FMN2: variants seen among roughly 807,000 people sequenced by gnomAD.
FMN2 encodes formin 2, also known as formin-2.
A neutral mutation model predicts 142.3 loss-of-function variants in FMN2; 51 were observed. That is an observed-to-expected ratio of 0.36 (90% CI 0.29 to 0.45). FMN2 has a LOEUF of 0.45. Among genes scored for constraint, FMN2 ranks in the 20% least tolerant of loss-of-function variants. The probability of loss-of-function intolerance (pLI) is 1.00; values close to 1 mark genes in which losing one functional copy is unlikely to be tolerated. For missense variants in FMN2, 1,936 were observed against 2,122.8 expected, an observed-to-expected ratio of 0.91 and a Z score of 1.73; for synonymous variants, 882 against 869.8, an observed-to-expected ratio of 1.01 and a Z score of -0.25.
At chr1:240,394,858 C>T (rs544477608) in intron 15 of FMN2, among the ~76,000 whole-genome samples, 2 of 152,210 alleles carry the variant, frequency 1.3e-5, no homozygotes, top group South Asian at 4.1e-4. Context: ...ATGCCAGCTA[C>T]TCAGAAGGCT....
intron 14 of FMN2, among the ~76,000 whole-genome samples, chr1:240,360,051 A>G (rs1041234975): frequency 3.9e-5 from 6 of 152,174 alleles, no homozygotes; most frequent in African/African-American, 1.4e-4. Context: ...TCATTTTTGT[A>G]TGCAGGAAGG....
At chr1:240,328,976 G>A (rs1671289685) in intron 8 of FMN2, 100 bp from the exon 9 acceptor site, 16 of 969,896 alleles carry the variant, frequency 1.6e-5, no homozygotes, top group South Asian at 4.7e-5. Flanking sequence ...ATAGCGTTTC[G>A]CTGTATTCAG....
chr1:240,143,295 G>T, intron 2 of FMN2: 3 of 1,531,996 alleles, frequency 2.0e-6, no homozygotes, highest in Non-Finnish European at 2.7e-6. Flanking sequence ...TTGAAACAGA[G>T]ATGAGGGCCA....
intron 2 of FMN2, among the ~76,000 whole-genome samples, chr1:240,137,293 T>A (rs1489097655): frequency 6.6e-6 from 1 of 152,154 alleles, no homozygotes; most frequent in Non-Finnish European, 1.5e-5. Context: ...CAAGTTTTTC[T>A]GTAAAGGGCC....
At chr1:240,116,978 G>A (rs549676009) in intron 1 of FMN2, among the ~76,000 whole-genome samples, 25 of 151,976 alleles carry the variant, frequency 1.6e-4, no homozygotes, top group Admixed American at 3.9e-4. Context: ...TTGTTCTTTC[G>A]GTTTTTTTTT....
intron 7 of FMN2, among the ~76,000 whole-genome samples, chr1:240,259,103 C>G (rs1211980708): frequency 6.6e-6 from 1 of 152,178 alleles, no homozygotes; most frequent in African/African-American, 2.4e-5. Context: ...GAGACTTCCT[C>G]AAGCTGAAAC....
At chr1:240,184,387 C>CGT (rs1319376904) in intron 3 of FMN2, among the ~76,000 whole-genome samples, 2 of 151,628 alleles carry the variant, frequency 1.3e-5, no homozygotes, top group African/African-American at 2.4e-5. Context: ...CAGGTGCCCA[C>CGT]CACCAGGCCG....
intron 4 of FMN2, among the ~76,000 whole-genome samples, chr1:240,204,095 AATT>A (rs1257611640): frequency 6.6e-6 from 1 of 152,074 alleles, no homozygotes; most frequent in African/African-American, 2.4e-5. Context: ...TTGAAAAGTC[AATT>A]ATTTTTCAGT....
rs373721402 is a variant in FMN2, at chr1:240,208,651, A to C, written c.3839A>C (p.Lys1280Thr). The C allele has an allele frequency of 6.2e-7, 1 of 1,613,810 alleles. No individual in the cohort carries two copies. Among genetic ancestry groups the C allele is most frequent in the Non-Finnish European group, 8.5e-7 (1 of 1,180,022 alleles). The change falls in exon 5 of 18, where the codon AAA becomes ACA. Residue 1280 changes from lysine (K) to threonine (T), a missense_variant. By Grantham distance (78) the Lys-to-Thr change is moderately conservative. Transcript: ENST00000319653. ...TTTGGATTAGGGATGAATCAGGACA[A>C]AGGGAGTAGGAAGCAGCCCATAGAG... Reference protein sequence around the residue: ...GLFGLGMNQDKGSRKQPIEPC... With the variant: ...GLFGLGMNQDTGSRKQPIEPC...
chr1:240,384,228 A>G (rs1167645033), intron 14 of FMN2, among the ~76,000 whole-genome samples: 1 of 152,050 alleles, frequency 6.6e-6, no homozygotes, highest in Non-Finnish European at 1.5e-5. Flanking sequence ...TGGATTCAAT[A>G]GAAGCCCAAA....
intron 6 of FMN2, among the ~76,000 whole-genome samples, chr1:240,235,236 ATAC>A (rs1667663442): frequency 6.6e-6 from 1 of 152,202 alleles, no homozygotes; most frequent in Non-Finnish European, 1.5e-5. Context: ...GTATCCTCAT[ATAC>A]AAGTTGAGAA....
intron 7 of FMN2, chr1:240,285,352 T>C (rs534267005): frequency 2.3e-4 from 102 of 452,282 alleles, no homozygotes; most frequent in South Asian, 1.5e-3. Context: ...CAGAAGAACA[T>C]GTATAGAGTG....
intron 6 of FMN2, among the ~76,000 whole-genome samples, chr1:240,222,769 T>C (rs2103426036): frequency 6.6e-6 from 1 of 152,308 alleles, no homozygotes; most frequent in African/African-American, 2.4e-5. Context: ...GAATGGGAGT[T>C]CACTCATGAT....
At chr1:240,398,161 A>G (rs1034650105) in intron 15 of FMN2, among the ~76,000 whole-genome samples, 51 of 152,108 alleles carry the variant, frequency 3.4e-4, no homozygotes, top group African/African-American at 1.2e-3. Flanking sequence ...ATACCCAGCT[A>G]ACTTTTTTTT....
At chr1:240,129,358 T>C (rs1662643484) in intron 2 of FMN2, among the ~76,000 whole-genome samples, 1 of 152,200 alleles carries the variant, frequency 6.6e-6, no homozygotes, top group Non-Finnish European at 1.5e-5. Flanking sequence ...AGTATCAACT[T>C]TCAAAGTTGT....
intron 6 of FMN2, among the ~76,000 whole-genome samples, chr1:240,242,085 TC>T (rs374159039): frequency 5.3e-5 from 8 of 152,148 alleles, no homozygotes; most frequent in African/African-American, 1.7e-4. Context: ...GACCTCGTGA[TC>T]CGCCTGCCTC....
rs554203585 is a variant in FMN2, at chr1:240,174,202, TAGG to T, written c.1783-3715_1783-3713del. On this transcript the variant is annotated intron_variant, in intron 2 of 17. Coordinates refer to ENST00000319653, the MANE Select transcript of FMN2 (RefSeq NM_020066.5). The stretch of plus-strand genomic sequence containing the variant: ...TTGGTTCTGCTACTCTGGAAAATAT[TAGG>T]AGGGCAATGGCTGCAAAGATTTAAG... Among the ~76,000 whole-genome samples the T allele has an allele frequency of 1.9e-3, 285 of 152,232 alleles. 4 individuals carry two copies. The highest frequency in any genetic ancestry group is 6.3e-3 in the African/African-American group (263 of 41,536).
At chr1:240,119,017 G>A (rs1449939843) in intron 1 of FMN2, among the ~76,000 whole-genome samples, 3 of 152,116 alleles carry the variant, frequency 2.0e-5, no homozygotes, top group Non-Finnish European at 4.4e-5. Flanking sequence ...TGCCTCAGAT[G>A]TGAAGGATTT....
chr1:240,092,998 G>A lies in FMN2; in HGVS notation c.889G>A (p.Gly297Ser). The change falls in exon 1 of 18, where the codon GGC becomes AGC. Residue 297 changes from glycine (G) to serine (S), a missense_variant. Physicochemically the swap from Gly to Ser is moderately conservative, Grantham distance 56. Around this residue, in one of 8 missense-constraint regions of FMN2, gnomAD observed 751 missense variants for 791.8 expected, o/e 0.95. Transcript: ENST00000319653. ...PREPQQPPSP[G>S]GLPVSEAPSL... ...GGAGCCCCAGCAACCGCCGTCCCCC[G>A]GCGGCCTCCCGGTCTCCGAGGCGCC... 1.4e-6 allele frequency: 2 copies of A among 1,400,428 alleles called. No individual in the cohort carries two copies. The highest frequency in any genetic ancestry group is 1.8e-6 in the Non-Finnish European group (2 of 1,086,106). 86.8% of individuals were successfully genotyped at this position (1,400,428 alleles called of 1,614,324 possible). A position where few individuals can be genotyped will look rare whatever the true frequency, so the allele number is the denominator to read the frequency against.
Sources: allele counts gnomAD v4.1 joint callset (sites outside exome capture counted in the v4.1 genomes callset), GRCh38; gene constraint gnomAD v4.1.1; regional missense constraint gnomAD v4.1.1; transcripts MANE v1.5; gene names NCBI Gene and HGNC (gene_info 2026-07-23, HGNC 2026-07-21).